CHL1: variants seen among roughly 807,000 people sequenced by gnomAD.
CHL1 encodes the protein cell adhesion molecule L1 like, also known as neural cell adhesion molecule L1-like protein.
In CHL1, 96 loss-of-function variants were observed where a neutral mutation model predicts 141.9. That is an observed-to-expected ratio of 0.68 (90% CI 0.57 to 0.80). The LOEUF (loss-of-function observed/expected upper bound fraction) is 0.80, where lower values mean the gene tolerates loss of function less well. Ranked by LOEUF, CHL1 falls within the 30% of genes least tolerant of loss-of-function variation. The pLI, the probability that CHL1 is intolerant of heterozygous loss-of-function variation, is 0.00. For missense variants in CHL1, 1,820 were observed against 1,457.2 expected, an observed-to-expected ratio of 1.25 and a Z score of -4.05; for synonymous variants, 613 against 502.2, an observed-to-expected ratio of 1.22 and a Z score of -2.95.
intron 15 of CHL1, among the ~76,000 whole-genome samples, chr3:375,871 G>A (rs142400854): frequency 2.6e-5 from 4 of 152,248 alleles, no homozygotes; most frequent in South Asian, 2.1e-4. Context: ...AGAGAGAATC[G>A]TTTTGTCATA....
chr3:331,860 A>G (rs1254545430), intron 5 of CHL1, among the ~76,000 whole-genome samples: 1 of 152,214 alleles, frequency 6.6e-6, no homozygotes, highest in Non-Finnish European at 1.5e-5. Flanking sequence ...AAACAGACCT[A>G]TTGTAACCCT....
chr3:376,246 A>G (rs1190188897), intron 15 of CHL1, among the ~76,000 whole-genome samples: 4 of 152,190 alleles, frequency 2.6e-5, no homozygotes, highest in African/African-American at 9.7e-5. Flanking sequence ...GCAGCACACC[A>G]TAGTGTGACC....
At chr3:398,938 T>TAG in intron 25 of CHL1, 79 bp from the exon 26 acceptor site, 1 of 1,334,100 alleles carries the variant, frequency 7.5e-7, no homozygotes, top group African/African-American at 1.5e-5. Context: ...TTAAAAATGA[T>TAG]GTCTAATTTT....
chr3:387,797 TAAC>T (rs1707880065), intron 19 of CHL1, among the ~76,000 whole-genome samples: 1 of 152,226 alleles, frequency 6.6e-6, no homozygotes, highest in Non-Finnish European at 1.5e-5. Context: ...ATCCAAGTAT[TAAC>T]AAGGTCTGCA....
At chr3:281,557 AC>A (rs1430736853) in intron 2 of CHL1, among the ~76,000 whole-genome samples, 75 of 129,948 alleles carry the variant, frequency 5.8e-4, no homozygotes, top group African/African-American at 2.3e-3. Flanking sequence ...TCCAATTTGT[AC>A]CTTTTTTTTT....
rs745703560 is a variant in CHL1 at position 354,725 on chromosome 3, A to C, written c.1119A>C (p.Glu373Asp). 6 of 1,613,848 alleles carry C rather than the reference A, an allele frequency of 3.7e-6. No individual in the cohort carries two copies. The highest frequency in any genetic ancestry group is 3.3e-5 in the Admixed American group (2 of 59,974). The change falls in exon 11 of 28, where the codon GAA (glutamate) becomes GAC (aspartate). Residue 373 changes from glutamate to aspartate, a missense_variant. Glu to Asp is a conservative substitution (Grantham distance 45). Coordinates refer to ENST00000256509, the MANE Select transcript of CHL1 (RefSeq NM_006614.4). ...TCTTGTTATGTGAGGCTGAAGGAGA[A>C]CCTCAACCCACAATCAAGTGGAGAG... Reference protein sequence around the residue: ...NGILLCEAEGEPQPTIKWRVN... With the variant: ...NGILLCEAEGDPQPTIKWRVN...
rs763458517 is a variant in CHL1, at chr3:344,574, T to C, written c.728-15T>C. ...TAATTTGAAAAAATTCTGACTTTTC[T>C]TTTCTATTTTGTAGCAAATTCCATC... On this transcript the variant is annotated splice_polypyrimidine_tract_variant and intron_variant, in intron 8 of 27. Coordinates refer to ENST00000256509, the MANE Select transcript of CHL1 (RefSeq NM_006614.4). The C allele has an allele frequency of 2.5e-6, 4 of 1,594,464 alleles. No homozygotes were observed. The highest frequency in any genetic ancestry group is 4.5e-5 in the East Asian group (2 of 44,742).
At chr3:332,872 C>T (rs3773412) in intron 5 of CHL1, among the ~76,000 whole-genome samples, 107,264 of 151,948 alleles carry the variant, frequency 0.71, 39,286 homozygotes, top group Non-Finnish European at 0.81. Flanking sequence ...TGATTCCTAA[C>T]CTAAATTCTA....
chr3:320,959 G>A (rs1226912979), intron 3 of CHL1, among the ~76,000 whole-genome samples: 2 of 151,938 alleles, frequency 1.3e-5, no homozygotes, highest in African/African-American at 4.8e-5. Flanking sequence ...GATATTTGTG[G>A]ATTTTCTAAA....
chr3:361,028 T>C (rs553740490), intron 12 of CHL1, among the ~76,000 whole-genome samples: 1 of 152,056 alleles, frequency 6.6e-6, no homozygotes, highest in Non-Finnish European at 1.5e-5. Flanking sequence ...TCTTTGCTAT[T>C]GTGAATAATG....
At position 354,657 on chromosome 3, in the gene CHL1, A is replaced by G. The variant is rs776588753; in HGVS notation, c.1051A>G (p.Lys351Glu). 6.2e-7 allele frequency: 1 copy of G among 1,612,948 alleles called. No homozygotes were observed. Among genetic ancestry groups the G allele is most frequent in the Admixed American group, 1.7e-5 (1 of 59,714 alleles). The change falls in exon 11 of 28, where the codon AAG becomes GAG. Residue 351 changes from lysine (K) to glutamate (E), a missense_variant. By Grantham distance (56) the Lys-to-Glu change is moderately conservative. Transcript: ENST00000256509. ...ACATCCAGAGCCTCCTCGCTGGACA[A>G]AGAAGCCTCAGAGTGCTGTGTATAG... ...VIVEEPPRWT[K>E]KPQSAVYSTG...
At chr3:383,784 G>A (rs1445422135) in intron 18 of CHL1, 32 bp from the exon 19 acceptor site, 1 of 1,552,872 alleles carries the variant, frequency 6.4e-7, no homozygotes, top group Non-Finnish European at 8.9e-7. Flanking sequence ...GGGTTAAAAG[G>A]AAAAATAATG....
At chr3:356,180 A>G (rs1703699849) in intron 11 of CHL1, among the ~76,000 whole-genome samples, 1 of 152,210 alleles carries the variant, frequency 6.6e-6, no homozygotes, top group African/African-American at 2.4e-5. Flanking sequence ...AAAAATAATA[A>G]TGAGGTTTTG....
In CHL1 at chr3:391,133, C is replaced by G. The variant is rs746209242; in HGVS notation, c.2765C>G (p.Pro922Arg). The G allele has an allele frequency of 4.3e-6, 7 of 1,613,052 alleles. No individual in the cohort carries two copies. The South Asian group carries it at 7.7e-5, about 18-fold the overall frequency. ...NSKGAGPESE[P>R]YIFQTPEGVP... Reference sequence around the variant, plus strand: ...AAAGGAGCTGGTCCTGAAAGTGAGCCTTATATATTTCAAACACCAGAAGGA... The same window carrying G: ...AAAGGAGCTGGTCCTGAAAGTGAGCGTTATATATTTCAAACACCAGAAGGA... The change falls in exon 22 of 28, where the codon CCT becomes CGT. Residue 922 changes from proline to arginine, a missense_variant. By Grantham distance (103) the Pro-to-Arg change is moderately radical. Coordinates refer to ENST00000256509, the MANE Select transcript of CHL1 (RefSeq NM_006614.4).
intron 15 of CHL1, among the ~76,000 whole-genome samples, chr3:371,829 T>G (rs1705672740): frequency 6.6e-6 from 1 of 152,172 alleles, no homozygotes; most frequent in Non-Finnish European, 1.5e-5. Flanking sequence ...AGCATTTGCT[T>G]GTCTGGAAAG....
At chr3:270,241 T>C (rs1337776533) in intron 2 of CHL1, among the ~76,000 whole-genome samples, 1 of 149,372 alleles carries the variant, frequency 6.7e-6, no homozygotes. Flanking sequence ...TGGCAAAAAA[T>C]AGTGTGGAAA....
At chr3:393,012 T>C (rs1708364187) in intron 23 of CHL1, among the ~76,000 whole-genome samples, 1 of 152,028 alleles carries the variant, frequency 6.6e-6, no homozygotes, top group African/African-American at 2.4e-5. Context: ...GGCTGGTGGA[T>C]CACGAGGTCA....
At chr3:381,763 G>A (rs1410924523) in intron 16 of CHL1, among the ~76,000 whole-genome samples, 1 of 152,034 alleles carries the variant, frequency 6.6e-6, no homozygotes, top group African/African-American at 2.4e-5. Context: ...AAAAATGATG[G>A]TCAGAACTCA....
intron 19 of CHL1, among the ~76,000 whole-genome samples, chr3:386,221 A>G (rs1707699224): frequency 6.6e-6 from 1 of 152,150 alleles, no homozygotes; most frequent in African/African-American, 2.4e-5. Flanking sequence ...AAAAAAAAAA[A>G]AAAAGCTGAT....
Sources: allele counts gnomAD v4.1 joint callset (sites outside exome capture counted in the v4.1 genomes callset), GRCh38; gene constraint gnomAD v4.1.1; transcripts MANE v1.5; gene names NCBI Gene and HGNC (gene_info 2026-07-23, HGNC 2026-07-21).